POFUT2: variants seen among roughly 807,000 people sequenced by gnomAD.
POFUT2 encodes the protein GDP-fucose protein O-fucosyltransferase 2.
In POFUT2, 30 loss-of-function variants were observed where a neutral mutation model predicts 55.0. The ratio of observed to expected loss-of-function variants is 0.55; its 90% CI spans 0.41 to 0.74. The LOEUF is 0.74. POFUT2 is among the 30% of genes least tolerant of loss of function. The pLI is 0.00. For synonymous variants in POFUT2, 267 were observed against 231.1 expected, an observed-to-expected ratio of 1.16 and a Z score of -1.41; for missense variants, 524 against 562.6, an observed-to-expected ratio of 0.93 and a Z score of 0.69.
In POFUT2 at chr21:45,285,888, G is replaced by C; in HGVS notation, c.172C>G (p.Leu58Val). ...YDVNPPEGFN[L>V]RRDVYIRIAS... is the part of the protein sequence containing the mutation. The stretch of plus-strand genomic sequence containing the variant: ...ATTCGGATATAGACATCCCTGCGCA[G>C]GTTGAAGCCTTCCGGGGGGTTGACG... The change falls in exon 2 of 9, where the codon CTG becomes GTG. Residue 58 changes from leucine to valine, a missense_variant. Physicochemically the swap from Leu to Val is conservative, Grantham distance 32. This residue lies in a region of POFUT2 where 274 missense variants were observed against 244.4 expected (regional missense o/e 1.12). Coordinates refer to ENST00000349485, the MANE Select transcript of POFUT2 (RefSeq NM_133635.6). This position sits in a 1 kb window ranked among gnomAD's most constrained non-coding sequence, Gnocchi z 4.9. 6.2e-7 allele frequency: 1 copy of C among 1,612,346 alleles called. No individual in the cohort carries two copies. Among genetic ancestry groups the C allele is most frequent in the Non-Finnish European group, 8.5e-7 (1 of 1,179,522 alleles).
In POFUT2 at chr21:45,282,268, G is replaced by C. The variant is rs1602219924; in HGVS notation, c.638+81C>G. 2.2e-6 allele frequency: 2 copies of C among 916,052 alleles called. No individual in the cohort carries two copies. Among genetic ancestry groups the C allele is most frequent in the East Asian group, 4.8e-5 (2 of 41,388 alleles). The allele number at this position is 916,052 out of a possible 1,614,324, so 56.7% of individuals were successfully genotyped here. A position where few individuals can be genotyped will look rare whatever the true frequency, so the allele number is the denominator to read the frequency against. On this transcript the variant is annotated intron_variant, in intron 4 of 8. Coordinates refer to ENST00000349485, the MANE Select transcript of POFUT2 (RefSeq NM_133635.6). The surrounding 1 kb of genome is among the most constrained non-coding windows in gnomAD (Gnocchi z 4.6). ...GGGTGGGCCAGGGATGCGGGAGTAT[G>C]GGCGGAGAGCCCCCAGCCCAGCATG...
intron 3 of POFUT2, 152 bp downstream of exon 3, chr21:45,283,231 G>T (rs1206237129): frequency 4.5e-6 from 2 of 443,550 alleles, no homozygotes; most frequent in Non-Finnish European, 8.2e-6. Context: ...ACACCGTGGC[G>T]GGGGGAGGCG....
chr21:45,280,857 G>A (rs1279388499), intron 4 of POFUT2, among the ~76,000 whole-genome samples: 1 of 152,118 alleles, frequency 6.6e-6, no homozygotes, highest in Non-Finnish European at 1.5e-5. Flanking sequence ...GTATCCCAGA[G>A]AGTCCTTAGT....
intron 4 of POFUT2, 33 bp from the exon 5 acceptor site, chr21:45,278,202 T>C (rs376097352): frequency 4.6e-5 from 71 of 1,555,412 alleles, no homozygotes; most frequent in Non-Finnish European, 5.9e-5. Context: ...TAAACAGTTA[T>C]AAGAGTTAAG....
chr21:45,277,227 A>G lies in POFUT2; in HGVS notation c.706-85T>C, dbSNP rs2029898910. On this transcript the variant is annotated intron_variant, in intron 5 of 8. Coordinates refer to ENST00000349485, the MANE Select transcript of POFUT2 (RefSeq NM_133635.6). This position sits in a 1 kb window ranked among gnomAD's most constrained non-coding sequence, Gnocchi z 6.9. Reference sequence around the variant, plus strand: ...AGCGGGTTCTCCTGTCGCTGCCACCACCCACCCCCGCAGCTGGAACAAGCC... The same window carrying G: ...AGCGGGTTCTCCTGTCGCTGCCACCGCCCACCCCCGCAGCTGGAACAAGCC... 4.6e-6 allele frequency: 7 copies of G among 1,524,828 alleles called. No homozygotes were observed. The highest frequency in any genetic ancestry group is 1.8e-5 in the Admixed American group (1 of 55,798). 94.5% of individuals were successfully genotyped at this position (1,524,828 alleles called of 1,614,324 possible). A position where few individuals can be genotyped will look rare whatever the true frequency, so the allele number is the denominator to read the frequency against.
At chr21:45,279,824 T>C (rs896738960) in intron 4 of POFUT2, among the ~76,000 whole-genome samples, 1 of 152,296 alleles carries the variant, frequency 6.6e-6, no homozygotes, top group East Asian at 1.9e-4. Context: ...CCATGTGTCG[T>C]AATACCCAGG....
At chr21:45,274,496 T>C (rs1292983992) in intron 6 of POFUT2, among the ~76,000 whole-genome samples, 2 of 152,154 alleles carry the variant, frequency 1.3e-5, no homozygotes, top group Non-Finnish European at 2.9e-5. Context: ...AGAGCCTACA[T>C]AGCCAAAGCA....
Position 45,265,412 on chromosome 21 carries a change from ACT to A in POFUT2, c.*68_*69del. 1 of 1,401,432 alleles carries A rather than the reference ACT, an allele frequency of 7.1e-7. No homozygotes were observed. Among genetic ancestry groups the A allele is most frequent in the East Asian group, 2.3e-5 (1 of 43,336 alleles). The allele number at this position is 1,401,432 out of a possible 1,614,324, so 86.8% of individuals were successfully genotyped here. A position where few individuals can be genotyped will look rare whatever the true frequency, so the allele number is the denominator to read the frequency against. On this transcript the variant is annotated 3_prime_UTR_variant, in exon 9 of 9. Coordinates refer to ENST00000349485, the MANE Select transcript of POFUT2 (RefSeq NM_133635.6). This position sits in a 1 kb window ranked among gnomAD's most constrained non-coding sequence, Gnocchi z 4.6. ...AGCTCCCGGCTGGCAGTAGACGGTG[ACT>A]CCACGGCGACAGAACCTGCATCCAC...
rs1320702040 is a variant in POFUT2 at position 45,268,632 on chromosome 21, G to A, written c.1013-919C>T. 6.6e-5 allele frequency among the ~76,000 whole-genome samples: 10 copies of A among 150,646 alleles called. 1 individual carries two copies. Among genetic ancestry groups the A allele is most frequent in the East Asian group, 4.0e-4 (2 of 5,054 alleles). On this transcript the variant is annotated intron_variant, in intron 7 of 8. Transcript: ENST00000349485. ...GAGATGTGGGGAGCGCCTCTGCCCC[G>A]CCGCCCCATCTGGGATGTGAGGAGC...
At chr21:45,271,005 G>C (rs1411856538) in intron 6 of POFUT2, among the ~76,000 whole-genome samples, 3 of 152,150 alleles carry the variant, frequency 2.0e-5, no homozygotes, top group African/African-American at 7.2e-5. Flanking sequence ...ACCCCCAAAA[G>C]ATCATAGTAG....
intron 1 of POFUT2, 31 bp downstream of exon 1, chr21:45,287,710 C>G (rs777729153): frequency 8.5e-6 from 12 of 1,412,366 alleles, no homozygotes; most frequent in Middle Eastern, 1.9e-4. Context: ...GTCCTGGAAC[C>G]CCAGCGTTGG....
chr21:45,278,884 C>T (rs1221314544), intron 4 of POFUT2, among the ~76,000 whole-genome samples: 1 of 152,170 alleles, frequency 6.6e-6, no homozygotes, highest in African/African-American at 2.4e-5. Context: ...GACAAGTCAT[C>T]CTGGTGCCTG....
Position 45,282,536 on chromosome 21 carries a change from A to G in POFUT2, c.528-77T>C, listed in dbSNP as rs996537466. The G allele has an allele frequency of 1.1e-5, 9 of 833,864 alleles. No individual in the cohort carries two copies. The highest frequency in any genetic ancestry group is 3.4e-5 in the African/African-American group (2 of 59,476). The allele number at this position is 833,864 out of a possible 1,614,324, so 51.7% of individuals were successfully genotyped here. A position where few individuals can be genotyped will look rare whatever the true frequency, so the allele number is the denominator to read the frequency against. On this transcript the variant is annotated intron_variant, in intron 3 of 8. Transcript: ENST00000349485. The surrounding 1 kb of genome is among the most constrained non-coding windows in gnomAD (Gnocchi z 4.6). The stretch of plus-strand genomic sequence containing the variant: ...GAAAACAAATCAAGTCTAGACACGC[A>G]CACACTGTGGCTTGCTCCTGATGAA...
At chr21:45,283,313 GGGGGGGGACGCATGCGGCAGGGGGAGGT>G (rs2030957988) in intron 3 of POFUT2, 42 bp downstream of exon 3, 59 of 792,250 alleles carry the variant, frequency 7.4e-5, no homozygotes, top group Middle Eastern at 4.1e-4. Flanking sequence ...TGAGGCGGGG[GGGGGGGGACGCATGCGGCAGGGGGAGGT>G]GGGGGGGCAC....
chr21:45,281,679 G>A lies in POFUT2; in HGVS notation c.638+670C>T, dbSNP rs534463284. Among the ~76,000 whole-genome samples the A allele has an allele frequency of 2.0e-5, 3 of 152,172 alleles. No homozygotes were observed. Among genetic ancestry groups the A allele is most frequent in the South Asian group, 4.2e-4 (2 of 4,782 alleles). On this transcript the variant is annotated intron_variant, in intron 4 of 8. Coordinates refer to ENST00000349485, the MANE Select transcript of POFUT2 (RefSeq NM_133635.6). This position sits in a 1 kb window ranked among gnomAD's most constrained non-coding sequence, Gnocchi z 5.0. ...GTGGGCAAGTGCGAGGGGCACCCGT[G>A]CCCTGCTATGCCTGGTCTATGGGAG... is the stretch of plus-strand genomic sequence containing the variant.
At chr21:45,280,148 G>C (rs2030422591) in intron 4 of POFUT2, among the ~76,000 whole-genome samples, 1 of 152,218 alleles carries the variant, frequency 6.6e-6, no homozygotes, top group South Asian at 2.1e-4. Context: ...CACCCGGGTG[G>C]AGGAACAAGG....
Position 45,282,356 on chromosome 21 carries a change from ATG to A in POFUT2, c.629_630del (p.Thr210IlefsTer130). The A allele has an allele frequency of 1.9e-6, 3 of 1,608,910 alleles. No homozygotes were observed. On this transcript the variant is annotated frameshift_variant, in exon 4 of 9. Transcript: ENST00000349485. LOFTEE classifies it high-confidence loss of function. This position sits in a 1 kb window ranked among gnomAD's most constrained non-coding sequence, Gnocchi z 4.6. ...GGGGCCTGGGGCACTCACCGGGCTG[ATG>A]TGTTTCTCAGCAGCAGGGGCGCCAC... ...SIVAPLLLRN[T>X]SARSVMLDRA...
Position 45,281,556 on chromosome 21 carries a change from C to A in POFUT2, c.638+793G>T, listed in dbSNP as rs1272612476. Among the ~76,000 whole-genome samples the A allele has an allele frequency of 6.6e-6, 1 of 152,082 alleles. No individual in the cohort carries two copies. The highest frequency in any genetic ancestry group is 1.5e-5 in the Non-Finnish European group (1 of 68,010). ...GGGGCCAGCGGCAGCTGTTACTGAC[C>A]AGGGTGATACCGAGCCAGCTGTGAT... On this transcript the variant is annotated intron_variant, in intron 4 of 8. Coordinates refer to ENST00000349485, the MANE Select transcript of POFUT2 (RefSeq NM_133635.6). This position sits in a 1 kb window ranked among gnomAD's most constrained non-coding sequence, Gnocchi z 5.0.
In POFUT2 at chr21:45,284,249, G is replaced by A. The variant is rs144068796; in HGVS notation, c.383-722C>T. ...TGAAGTTCTGGGGCAGGAACAAAGC[G>A]GGAGGGAGCATCGCGAAGGTGAAGT... On this transcript the variant is annotated intron_variant, in intron 2 of 8. Coordinates refer to ENST00000349485, the MANE Select transcript of POFUT2 (RefSeq NM_133635.6). This position sits in a 1 kb window ranked among gnomAD's most constrained non-coding sequence, Gnocchi z 5.8. 7.4e-3 allele frequency among the ~76,000 whole-genome samples: 1,128 copies of A among 152,206 alleles called. 13 individuals carry two copies. The highest frequency in any genetic ancestry group is 7.2e-3 in the Non-Finnish European group (490 of 68,016).
Sources: gnomAD v4.1 joint callset for allele counts (sites outside exome capture counted in the v4.1 genomes callset) on GRCh38, gnomAD v4.1.1 for gene constraint, gnomAD v4.1.1 regional missense constraint, Gnocchi (gnomAD v3.1) non-coding constraint, MANE v1.5 for transcripts, NCBI Gene and HGNC (gene_info 2026-07-23, HGNC 2026-07-21) for gene names.